TPST1: variants seen among roughly 807,000 people sequenced by gnomAD.
The protein encoded by TPST1 is protein-tyrosine sulfotransferase 1.
Under a neutral mutation model 34.8 loss-of-function variants are expected in TPST1, and 20 were observed. The observed-to-expected ratio is 0.57, with a 90% CI of 0.40 to 0.84. TPST1 has a LOEUF of 0.84. TPST1 is among the 40% of genes least tolerant of loss of function. The probability of loss-of-function intolerance (pLI) is 0.00; values close to 1 mark genes in which losing one functional copy is unlikely to be tolerated. For synonymous variants in TPST1, 152 were observed against 159.4 expected, an observed-to-expected ratio of 0.95 and a Z score of 0.35; for missense variants, 353 against 455.5, an observed-to-expected ratio of 0.78 and a Z score of 2.05.
At position 66,334,520 on chromosome 7, in the gene TPST1, C is replaced by A. The variant is rs558932960; in HGVS notation, c.1045-17985C>A. ...GCATGGTGGTGGGTGCCTGTAATCC[C>A]AGCTACTCAGGAGGCTGAGACAGGA... is the stretch of plus-strand genomic sequence containing the variant. On this transcript the variant is annotated intron_variant, in intron 3 of 5. Transcript: ENST00000304842. Among the ~76,000 whole-genome samples, 8 of 151,650 alleles carry A rather than the reference C, an allele frequency of 5.3e-5. No homozygotes were observed. The East Asian group carries it at 1.4e-3, about 26-fold the overall frequency.
intron 4 of TPST1, among the ~76,000 whole-genome samples, chr7:66,355,825 A>G (rs1193852102): frequency 2.0e-5 from 3 of 151,248 alleles, no homozygotes; most frequent in Non-Finnish European, 4.4e-5. Flanking sequence ...GAATTGCTTG[A>G]ACTCAGGAGG....
At chr7:66,308,097 T>C (rs1791458960) in intron 3 of TPST1, among the ~76,000 whole-genome samples, 1 of 152,212 alleles carries the variant, frequency 6.6e-6, no homozygotes, top group African/African-American at 2.4e-5. Flanking sequence ...TGACACAAAA[T>C]GTGCAGTCAT....
chr7:66,243,155 GTGTGTGTGTGTGTT>G (rs1179368907), intron 2 of TPST1, among the ~76,000 whole-genome samples: 22 of 142,834 alleles, frequency 1.5e-4, no homozygotes, highest in Admixed American at 1.4e-3. Context: ...GGGTGTGTGT[GTGTGTGTGTGTGTT>G]TGTGTGTGTG....
chr7:66,329,281 G>A (rs1190803241), intron 3 of TPST1, among the ~76,000 whole-genome samples: 2 of 151,934 alleles, frequency 1.3e-5, no homozygotes, highest in Non-Finnish European at 2.9e-5. Context: ...TTGTTGTGTT[G>A]AAACTATCTT....
intron 3 of TPST1, among the ~76,000 whole-genome samples, chr7:66,296,604 A>G (rs574440204): frequency 6.7e-6 from 1 of 148,860 alleles, no homozygotes; most frequent in Admixed American, 6.7e-5. Context: ...TTATGGGGTG[A>G]GAGTGGGAGA....
At chr7:66,199,275 C>A in the TPST1 span, among the ~76,000 whole-genome samples, 1 of 150,252 alleles carries the variant, frequency 6.7e-6, no homozygotes, top group African/African-American at 2.4e-5. Context: ...CTGGTTGTGA[C>A]AGACACATTC....
At chr7:66,284,204 C>A (rs1023373193) in intron 2 of TPST1, among the ~76,000 whole-genome samples, 5 of 152,152 alleles carry the variant, frequency 3.3e-5, no homozygotes, top group Non-Finnish European at 5.9e-5. Flanking sequence ...TTTATTCAAT[C>A]ATAATGATAA....
At chr7:66,249,916 C>T (rs376458018) in intron 2 of TPST1, among the ~76,000 whole-genome samples, 3 of 152,208 alleles carry the variant, frequency 2.0e-5, no homozygotes, top group African/African-American at 7.2e-5. Context: ...CAAGGCCCCC[C>T]TCTGTCTGGG....
In TPST1 at chr7:66,205,677, C is replaced by G. The variant is rs951486948; in HGVS notation, c.-102+155C>G. On this transcript the variant is annotated intron_variant, in intron 1 of 5. Transcript: ENST00000304842. This position sits in a 1 kb window ranked among gnomAD's most constrained non-coding sequence, Gnocchi z 5.0. ...CGCCCCCGAGCGCGGAGCCCCGGGT[C>G]TGGCCCGTCCGGCCCCTGCTCCCAC... 3.3e-5 allele frequency: 5 copies of G among 152,536 alleles called. No individual in the cohort carries two copies. The highest frequency in any genetic ancestry group is 1.2e-4 in the African/African-American group (5 of 41,444). The allele number at this position is 152,536 out of a possible 1,614,324, so 9.4% of individuals were successfully genotyped here. A position where few individuals can be genotyped will look rare whatever the true frequency, so the allele number is the denominator to read the frequency against.
chr7:66,319,546 C>T (rs1286689781), intron 3 of TPST1, among the ~76,000 whole-genome samples: 2 of 152,160 alleles, frequency 1.3e-5, no homozygotes, highest in Non-Finnish European at 2.9e-5. Flanking sequence ...TAAATGTTGT[C>T]ATATCCTTTT....
intron 2 of TPST1, among the ~76,000 whole-genome samples, chr7:66,257,374 A>G (rs959456743): frequency 1.3e-5 from 2 of 152,180 alleles, no homozygotes; most frequent in African/African-American, 4.8e-5. Flanking sequence ...TGTTTAAAGG[A>G]GGGAAAATAG....
At chr7:66,348,859 T>C (rs1387925649) in intron 3 of TPST1, among the ~76,000 whole-genome samples, 2 of 152,228 alleles carry the variant, frequency 1.3e-5, no homozygotes, top group Non-Finnish European at 2.9e-5. Flanking sequence ...ACTGAATTTT[T>C]GCGTGAGCCT....
At chr7:66,210,540 G>A (rs1167177201) in intron 1 of TPST1, among the ~76,000 whole-genome samples, 1 of 152,208 alleles carries the variant, frequency 6.6e-6, no homozygotes, top group Non-Finnish European at 1.5e-5. Context: ...GTCTGGTGCA[G>A]GGCCAGACCT....
At chr7:66,217,502 T>C (rs969792672) in intron 1 of TPST1, among the ~76,000 whole-genome samples, 5 of 152,242 alleles carry the variant, frequency 3.3e-5, no homozygotes, top group African/African-American at 9.6e-5. Flanking sequence ...TGACATTGTA[T>C]AGTTTGCTGT....
Position 66,269,432 on chromosome 7 carries a change from G to A in TPST1, c.846-17079G>A, listed in dbSNP as rs142425101. Among the ~76,000 whole-genome samples, 3 of 152,258 alleles carry A rather than the reference G, an allele frequency of 2.0e-5. No individual in the cohort carries two copies. In the East Asian group the frequency reaches 5.8e-4, roughly 29 times the overall value. ...AATAGTTTTTATTTCAGCAACAAAA[G>A]AATAGTTCACTACTAGAAAAATCTG... On this transcript the variant is annotated intron_variant, in intron 2 of 5. Coordinates refer to ENST00000304842, the MANE Select transcript of TPST1 (RefSeq NM_003596.4).
At chr7:66,337,811 A>G (rs976561847) in intron 3 of TPST1, among the ~76,000 whole-genome samples, 2 of 152,210 alleles carry the variant, frequency 1.3e-5, no homozygotes, top group Non-Finnish European at 2.9e-5. Flanking sequence ...TGTAAGCCTC[A>G]CAGTAACCAT....
intron 1 of TPST1, among the ~76,000 whole-genome samples, chr7:66,237,571 A>C (rs1395177938): frequency 6.6e-6 from 1 of 152,190 alleles, no homozygotes; most frequent in Non-Finnish European, 1.5e-5. Context: ...CCAGAAAAAC[A>C]AAACCAAACC....
intron 3 of TPST1, among the ~76,000 whole-genome samples, chr7:66,348,339 A>G (rs1032559695): frequency 1.3e-5 from 2 of 152,218 alleles, no homozygotes; most frequent in Non-Finnish European, 2.9e-5. Flanking sequence ...CTACCTGTCT[A>G]TGAATTACTT....
At chr7:66,236,817 A>G (rs1789921867) in intron 1 of TPST1, among the ~76,000 whole-genome samples, 2 of 152,154 alleles carry the variant, frequency 1.3e-5, no homozygotes, top group Non-Finnish European at 2.9e-5. Context: ...ACACTTTATA[A>G]TTGTTTTCAT....
Sources: allele counts gnomAD v4.1 joint callset (sites outside exome capture counted in the v4.1 genomes callset), GRCh38; gene constraint gnomAD v4.1.1; non-coding constraint Gnocchi (gnomAD v3.1); transcripts MANE v1.5; gene names NCBI Gene and HGNC (gene_info 2026-07-23, HGNC 2026-07-21).